The following ISM1 variants were observed in gnomAD, a reference collection of about 807,000 sequenced individuals.
ISM1 encodes isthmin-1.
Under a neutral mutation model 46.3 loss-of-function variants are expected in ISM1, and 25 were observed. That is an observed-to-expected ratio of 0.54 (90% CI 0.39 to 0.75). The LOEUF (loss-of-function observed/expected upper bound fraction) is 0.75, where lower values mean the gene tolerates loss of function less well. ISM1 is among the 30% of genes least tolerant of loss of function. The probability of loss-of-function intolerance (pLI) is 0.00; values close to 1 mark genes in which losing one functional copy is unlikely to be tolerated. For missense variants in ISM1, 536 were observed against 625.4 expected, an observed-to-expected ratio of 0.86 and a Z score of 1.52; for synonymous variants, 255 against 256.7, an observed-to-expected ratio of 0.99 and a Z score of 0.06.
chr20:13,313,958 T>G, the ISM1 span, among the ~76,000 whole-genome samples: 5 of 152,106 alleles, frequency 3.3e-5, no homozygotes, highest in African/African-American at 9.7e-5. Flanking sequence ...TAAAATGAGA[T>G]GCTAAAGATC....
chr20:13,243,436 G>A (rs4814208), intron 1 of ISM1, among the ~76,000 whole-genome samples: 8 of 151,940 alleles, frequency 5.3e-5, no homozygotes, highest in South Asian at 2.1e-4. Flanking sequence ...ACAAAGACAC[G>A]TATTTTTGGT....
intron 1 of ISM1, among the ~76,000 whole-genome samples, chr20:13,235,029 A>ACAGG (rs1252282248): frequency 9.2e-5 from 14 of 152,304 alleles, no homozygotes; most frequent in African/African-American, 3.4e-4. Context: ...AGCACTTAAT[A>ACAGG]CAGGTCCTGT....
intron 1 of ISM1, among the ~76,000 whole-genome samples, chr20:13,270,225 G>A (rs901054790): frequency 6.6e-6 from 1 of 152,146 alleles, no homozygotes; most frequent in Non-Finnish European, 1.5e-5. Context: ...CCTCAAAATA[G>A]TGTTTTCATT....
chr20:13,247,517 G>GGGGGTGT (rs1183213178), intron 1 of ISM1, among the ~76,000 whole-genome samples: 3 of 139,806 alleles, frequency 2.1e-5, no homozygotes, highest in Admixed American at 7.1e-5. Context: ...CAAAGTGAGG[G>GGGGGTGT]GTGTGTGTGT....
chr20:13,247,519 T>G (rs243894), intron 1 of ISM1, among the ~76,000 whole-genome samples: 35,775 of 85,796 alleles, frequency 0.42, 4,577 homozygotes, highest in Middle Eastern at 0.47. Context: ...AAGTGAGGGG[T>G]GTGTGTGTGT....
intron 2 of ISM1, among the ~76,000 whole-genome samples, chr20:13,279,089 T>TG (rs2123279880): frequency 6.6e-6 from 1 of 152,228 alleles, no homozygotes; most frequent in South Asian, 2.1e-4. Context: ...CCTCTCTCAA[T>TG]GGGAGATGTG....
At chr20:13,301,017 A>G (rs1318684761), downstream of ISM1, among the ~76,000 whole-genome samples, 1 of 152,234 alleles carries the variant, frequency 6.6e-6, no homozygotes, top group Non-Finnish European at 1.5e-5. Flanking sequence ...TGAGAAAATC[A>G]AAGCTCAGAA....
At chr20:13,310,040 A>C in the ISM1 span, among the ~76,000 whole-genome samples, 1 of 152,222 alleles carries the variant, frequency 6.6e-6, no homozygotes, top group Non-Finnish European at 1.5e-5. Context: ...AATTCGATGC[A>C]ATCCCTAACA....
At chr20:13,274,947 C>T (rs2040161172) in intron 2 of ISM1, among the ~76,000 whole-genome samples, 1 of 152,118 alleles carries the variant, frequency 6.6e-6, no homozygotes, top group African/African-American at 2.4e-5. Context: ...TTATCAAAAA[C>T]AAAAATCATT....
chr20:13,250,817 A>G (rs1381332271), intron 1 of ISM1, among the ~76,000 whole-genome samples: 1 of 152,218 alleles, frequency 6.6e-6, no homozygotes, highest in African/African-American at 2.4e-5. Context: ...CACACCATCA[A>G]AATGAATCCC....
intron 1 of ISM1, among the ~76,000 whole-genome samples, chr20:13,262,788 T>C (rs243907): frequency 0.16 from 24,992 of 152,154 alleles, 2,190 homozygotes; most frequent in East Asian, 0.22. Context: ...TACACAGGGA[T>C]GGGTGGCCCC....
chr20:13,310,878 C>T, the ISM1 span, among the ~76,000 whole-genome samples: 1 of 152,138 alleles, frequency 6.6e-6, no homozygotes, highest in Non-Finnish European at 1.5e-5. Context: ...TACTTCATAC[C>T]TGTAAGGAAG....
At chr20:13,273,986 C>T (rs558532074) in intron 2 of ISM1, among the ~76,000 whole-genome samples, 16 of 152,254 alleles carry the variant, frequency 1.1e-4, no homozygotes, top group African/African-American at 3.4e-4. Flanking sequence ...GTATTGGTCA[C>T]TCAGAAAGAT....
At chr20:13,319,260 C>T in the ISM1 span, among the ~76,000 whole-genome samples, 1 of 151,968 alleles carries the variant, frequency 6.6e-6, no homozygotes, top group African/African-American at 2.4e-5. Context: ...CCAAACAAGG[C>T]AAGGCCAACT....
chr20:13,262,426 A>T (rs2039998652), intron 1 of ISM1, among the ~76,000 whole-genome samples: 1 of 151,610 alleles, frequency 6.6e-6, no homozygotes, highest in African/African-American at 2.4e-5. Flanking sequence ...ATTTGCAGGG[A>T]TGTTTTAGGT....
chr20:13,286,229 C>T (rs1261705522), intron 3 of ISM1, among the ~76,000 whole-genome samples: 1 of 151,980 alleles, frequency 6.6e-6, no homozygotes, highest in African/African-American at 2.4e-5. Context: ...CACCTGGATG[C>T]TTCTCTGACA....
At chr20:13,267,506 G>A (rs2040056285) in intron 1 of ISM1, among the ~76,000 whole-genome samples, 1 of 152,124 alleles carries the variant, frequency 6.6e-6, no homozygotes, top group South Asian at 2.1e-4. Flanking sequence ...GACTAATCCT[G>A]CGGGGAGGGT....
the ISM1 span, among the ~76,000 whole-genome samples, chr20:13,323,884 C>T: frequency 6.6e-6 from 1 of 152,102 alleles, no homozygotes; most frequent in South Asian, 2.1e-4. Context: ...TTTTGGTCTC[C>T]TCTGACCAAA....
intron 1 of ISM1, among the ~76,000 whole-genome samples, chr20:13,233,535 C>T (rs1361602877): frequency 7.1e-6 from 1 of 141,204 alleles, no homozygotes; most frequent in Non-Finnish European, 1.5e-5. Context: ...CTAGAGGTTG[C>T]AATGAGCCAA....
Sources: allele counts gnomAD v4.1 joint callset (sites outside exome capture counted in the v4.1 genomes callset), GRCh38; gene constraint gnomAD v4.1.1; transcripts MANE v1.5; gene names NCBI Gene and HGNC (gene_info 2026-07-23, HGNC 2026-07-21).